The following DDX60 variants were observed in gnomAD, a reference collection of about 807,000 sequenced individuals.
The protein encoded by DDX60 is DExD/H-box helicase 60, also known as probable ATP-dependent RNA helicase DDX60.
DDX60 carries 165 observed loss-of-function variants against 212.8 expected under a neutral mutation model. The ratio of observed to expected loss-of-function variants is 0.78; its 90% confidence interval spans 0.68 to 0.88. The LOEUF (loss-of-function observed/expected upper bound fraction) is 0.88, where lower values mean the gene tolerates loss of function less well. DDX60 is among the 40% of genes least tolerant of loss of function. DDX60 has a pLI of 0.00. For missense variants in DDX60, 1,905 were observed against 2,003.9 expected (o/e 0.95, Z 0.94); for synonymous variants, 703 against 685.3 (o/e 1.03, Z -0.40).
At chr4:168,282,049 C>T (rs1224470205) in intron 13 of DDX60, among the ~76,000 whole-genome samples, 1 of 152,170 alleles carries the variant, frequency 6.6e-6, no homozygotes, top group African/African-American at 2.4e-5. Context: ...AGCCTTTTGT[C>T]ACCCATAATA....
chr4:168,243,689 G>A (rs72693122), intron 30 of DDX60, among the ~76,000 whole-genome samples: 1 of 152,166 alleles, frequency 6.6e-6, no homozygotes, highest in Admixed American at 6.5e-5. Context: ...TTGTGGAAGA[G>A]AGTGTGGAGA....
Position 168,225,550 on chromosome 4 carries a change from G to C in DDX60, c.4660C>G (p.Gln1554Glu), listed in dbSNP as rs1238973187. 3 of 1,607,956 alleles carry C rather than the reference G, an allele frequency of 1.9e-6. No individual in the cohort carries two copies. Among genetic ancestry groups the C allele is most frequent in the Non-Finnish European group, 2.5e-6 (3 of 1,177,866 alleles). ...TTACTGATTTTTGACAATGGGAGTT[G>C]ATATTCCTGATTCATATCAGCCAGT... ...SKLADMNQEY[Q>E]LPLSKIKFTG... The change falls in exon 34 of 38, where the codon CAA (glutamine) becomes GAA (glutamate). Residue 1554 changes from glutamine (Q) to glutamate (E), a missense_variant. Gln to Glu is a conservative substitution (Grantham distance 29). Transcript: ENST00000393743.
At chr4:168,300,153 A>AACACCCT (rs1736584961) in intron 6 of DDX60, among the ~76,000 whole-genome samples, 3 of 151,558 alleles carry the variant, frequency 2.0e-5, no homozygotes. Flanking sequence ...GAAAATCATT[A>AACACCCT]ATACAATACT....
chr4:168,252,620 A>G lies in DDX60; in HGVS notation c.3594T>C (p.Asp1198=), dbSNP rs1734260978. The change falls in exon 27 of 38, where the codon GAT becomes GAC. Residue 1198 remains aspartate (D), a synonymous_variant. Coordinates refer to ENST00000393743, the MANE Select transcript of DDX60 (RefSeq NM_017631.6). ...EKSQKKTRNV[D]QSLIHEAEHD... is the part of the protein sequence containing the mutation. Reference sequence around the variant, plus strand: ...GTTCAGCTTCATGTATTAGGCTTTGATCCACATTTCTGGTTTTTTTCTGGC... The same window carrying G: ...GTTCAGCTTCATGTATTAGGCTTTGGTCCACATTTCTGGTTTTTTTCTGGC... 3.7e-6 allele frequency: 6 copies of G among 1,612,084 alleles called. No individual in the cohort carries two copies. In the East Asian group the frequency reaches 1.1e-4, roughly 30 times the overall value.
At chr4:168,303,302 CA>C (rs35768208) in intron 5 of DDX60, among the ~76,000 whole-genome samples, 2,598 of 99,596 alleles carry the variant, frequency 0.026, 21 homozygotes, top group Middle Eastern at 0.075. Flanking sequence ...ACTCTGTCTC[CA>C]AAAAAAAAAA....
chr4:168,277,483 A>G (rs975283643), intron 14 of DDX60, among the ~76,000 whole-genome samples: 3 of 152,138 alleles, frequency 2.0e-5, no homozygotes, highest in Non-Finnish European at 4.4e-5. Context: ...ATAAAATACA[A>G]AATTGTCCTT....
intron 6 of DDX60, among the ~76,000 whole-genome samples, chr4:168,297,562 A>T (rs1736459184): frequency 1.3e-5 from 2 of 152,166 alleles, no homozygotes; most frequent in Admixed American, 1.3e-4. Flanking sequence ...AAAACCAAAA[A>T]AGGTCAGAAA....
At chr4:168,254,659 C>T (rs1734337292) in intron 26 of DDX60, among the ~76,000 whole-genome samples, 1 of 152,032 alleles carries the variant, frequency 6.6e-6, no homozygotes, top group South Asian at 2.1e-4. Context: ...CAATACATTA[C>T]AATAATTGAT....
rs1414752507 is a variant in DDX60, at chr4:168,287,128, C to G, written c.1259G>C (p.Arg420Thr). The G allele has an allele frequency of 6.2e-7, 1 of 1,612,018 alleles. No homozygotes were observed. The highest frequency in any genetic ancestry group is 1.1e-5 in the South Asian group (1 of 90,766). Residue 420 changes from arginine to threonine, a missense_variant, in exon 10 of 38, where the codon AGA becomes ACA. Physicochemically the swap from Arg to Thr is moderately conservative, Grantham distance 71 (BLOSUM62 -1). Coordinates refer to ENST00000393743, the MANE Select transcript of DDX60 (RefSeq NM_017631.6). The stretch of plus-strand genomic sequence containing the variant: ...AAATGGCTGTCCAACCTCAAAGTCT[C>G]TGACCAACTTTGATACGGTATTCCA... ...YLWNTVSKLV[R>T]DFEVGQPFPL... is the part of the protein sequence containing the mutation.
chr4:168,236,490 CAT>C (rs2149496117), intron 32 of DDX60, 117 bp from the exon 33 acceptor site: 1 of 891,082 alleles, frequency 1.1e-6, no homozygotes, highest in East Asian at 2.9e-5. Context: ...TTATGACAAA[CAT>C]AGCAATTGAA....
intron 1 of DDX60, among the ~76,000 whole-genome samples, chr4:168,313,048 T>C (rs1337688728): frequency 6.6e-6 from 1 of 152,146 alleles, no homozygotes; most frequent in African/African-American, 2.4e-5. Flanking sequence ...TGAAGCATGA[T>C]TCTCTCCTTG....
At chr4:168,239,601 T>C (rs1203730002) in intron 30 of DDX60, among the ~76,000 whole-genome samples, 1 of 152,100 alleles carries the variant, frequency 6.6e-6, no homozygotes, top group East Asian at 1.9e-4. Flanking sequence ...AGGGTAGGCT[T>C]CACTATGTAA....
intron 33 of DDX60, among the ~76,000 whole-genome samples, chr4:168,232,098 C>T (rs559303707): frequency 1.3e-5 from 2 of 152,062 alleles, no homozygotes; most frequent in Non-Finnish European, 2.9e-5. Context: ...AAATCAAGAA[C>T]TCAGCCCCTT....
At chr4:168,309,026 A>G (rs1209356544) in intron 3 of DDX60, among the ~76,000 whole-genome samples, 3 of 152,168 alleles carry the variant, frequency 2.0e-5, no homozygotes, top group Admixed American at 6.5e-5. Context: ...CAGAGTTGAG[A>G]GAAGTGTAAA....
At chr4:168,242,754 G>A (rs1452802629) in intron 30 of DDX60, among the ~76,000 whole-genome samples, 2 of 152,280 alleles carry the variant, frequency 1.3e-5, no homozygotes, top group East Asian at 1.9e-4. Flanking sequence ...AGTTAATGCT[G>A]AAATGAGTTA....
chr4:168,241,537 G>A (rs978439132), intron 30 of DDX60, among the ~76,000 whole-genome samples: 8 of 152,142 alleles, frequency 5.3e-5, no homozygotes, highest in African/African-American at 1.2e-4. Context: ...GGTGACTTTC[G>A]TTATGTTTTA....
chr4:168,262,315 C>T (rs1734654957), intron 23 of DDX60, among the ~76,000 whole-genome samples, 187 bp from the exon 24 acceptor site: 1 of 151,600 alleles, frequency 6.6e-6, no homozygotes, highest in African/African-American at 2.4e-5. Flanking sequence ...AGAGAGGATA[C>T]AAAGCAAAAC....
At chr4:168,221,073 G>A (rs888958004) in intron 36 of DDX60, among the ~76,000 whole-genome samples, 1 of 152,150 alleles carries the variant, frequency 6.6e-6, no homozygotes, top group Admixed American at 6.6e-5. Context: ...TATTCACAAT[G>A]AGTCACTTTT....
At chr4:168,303,195 A>C (rs1223820019) in intron 5 of DDX60, among the ~76,000 whole-genome samples, 1 of 151,590 alleles carries the variant, frequency 6.6e-6, no homozygotes, top group African/African-American at 2.4e-5. Flanking sequence ...CCAGCTGCTC[A>C]GGAGGCTGAG....
Sources: gnomAD v4.1 joint callset for allele counts (sites outside exome capture counted in the v4.1 genomes callset) on GRCh38, gnomAD v4.1.1 for gene constraint, MANE v1.5 for transcripts, NCBI Gene and HGNC (gene_info 2026-07-23, HGNC 2026-07-21) for gene names.